The following MED14 variants were observed in gnomAD, a reference collection of about 807,000 sequenced individuals.
MED14 encodes mediator complex subunit 14, also known as mediator of RNA polymerase II transcription subunit 14.
MED14 carries 8 observed loss-of-function variants against 109.0 expected under a neutral mutation model. That is an observed-to-expected ratio of 0.07 (90% confidence interval 0.04 to 0.13). The LOEUF (loss-of-function observed/expected upper bound fraction) is 0.13. MED14 is among the 10% of genes least tolerant of loss of function. The pLI is 1.00. For synonymous variants in MED14, 399 were observed against 408.7 expected (o/e 0.98, Z 0.29); for missense variants, 711 against 1,142.4 (o/e 0.62, Z 5.44).
Position 40,729,316 on chromosome X carries a change from C to G in MED14, c.242+3G>C. On this transcript the variant is annotated splice_donor_region_variant and intron_variant, in intron 2 of 30. Coordinates refer to ENST00000324817, the MANE Select transcript of MED14 (RefSeq NM_004229.4). ...TTTAAGGGTTTTTTTTTTCCATACT[C>G]ACCTTTCCACATCAGATTTCCTTGG... The G allele has an allele frequency of 8.4e-7, 1 of 1,188,660 alleles. No homozygotes were observed. Among genetic ancestry groups the G allele is most frequent in the Non-Finnish European group, 1.1e-6 (1 of 887,896 alleles).
chrX:40,657,681 G>A (rs998118068), intron 28 of MED14, among the ~76,000 whole-genome samples: 6 of 112,034 alleles, frequency 5.4e-5, no homozygotes, highest in Admixed American at 9.4e-5. Context: ...AGAAACTAAG[G>A]GAAATCCCCC....
Position 40,692,190 on chromosome X carries a change from C to A in MED14, c.1973G>T (p.Arg658Leu). ...CTGTTCCAAAAAACTTACCTCCAAC[C>A]GAAGTCCTACAAATGGCATATTTGT... is the stretch of plus-strand genomic sequence containing the variant. ...CDTNMPFVGL[R>L]LELSNLEIPH... The change falls in exon 15 of 31, where the codon CGG (arginine) becomes CTG (leucine). Residue 658 changes from arginine (R) to leucine (L), a missense_variant. Physicochemically the swap from Arg to Leu is moderately radical, Grantham distance 102. Coordinates refer to ENST00000324817, the MANE Select transcript of MED14 (RefSeq NM_004229.4). The A allele has an allele frequency of 8.3e-7, 1 of 1,207,874 alleles. No individual in the cohort carries two copies. Among genetic ancestry groups the A allele is most frequent in the Non-Finnish European group, 1.1e-6 (1 of 894,116 alleles).
intron 24 of MED14, 127 bp downstream of exon 24, chrX:40,666,593 G>T: frequency 1.4e-6 from 1 of 709,252 alleles, no homozygotes; most frequent in Non-Finnish European, 2.1e-6. Flanking sequence ...TTTTCTTTTT[G>T]CTTGAGCAAT....
At chrX:40,735,151 G>A (rs780636652) in intron 1 of MED14, 47 bp downstream of exon 1, 4 of 963,431 alleles carry the variant, frequency 4.2e-6, no homozygotes, top group Non-Finnish European at 5.5e-6. Flanking sequence ...CAGCCGGTTG[G>A]GCGGGAAGGG....
chrX:40,653,166 G>A (rs1928934440), intron 30 of MED14, among the ~76,000 whole-genome samples: 1 of 111,706 alleles, frequency 9.0e-6, no homozygotes, highest in African/African-American at 3.3e-5. Context: ...ATAAGATAAT[G>A]ACAGCCATCT....
At chrX:40,665,760 G>A (rs959722816) in intron 24 of MED14, among the ~76,000 whole-genome samples, 1 of 111,871 alleles carries the variant, frequency 8.9e-6, no homozygotes, top group Admixed American at 9.5e-5. Flanking sequence ...TATATGTTTC[G>A]AAAGCTTTAG....
chrX:40,713,184 T>C (rs954600919), intron 5 of MED14, 142 bp from the exon 6 acceptor site: 41 of 551,485 alleles, frequency 7.4e-5, no homozygotes, highest in Non-Finnish European at 9.7e-5. Context: ...AACAATTCAA[T>C]GGTTCCTGAA....
At chrX:40,722,151 G>A (rs1165432263) in intron 3 of MED14, among the ~76,000 whole-genome samples, 1 of 112,340 alleles carries the variant, frequency 8.9e-6, no homozygotes, top group African/African-American at 3.2e-5. Flanking sequence ...ACAGAGATAT[G>A]TGACCTTTCA....
At chrX:40,689,089 G>A (rs1216873357) in intron 15 of MED14, among the ~76,000 whole-genome samples, 1 of 112,471 alleles carries the variant, frequency 8.9e-6, no homozygotes, top group Non-Finnish European at 1.9e-5. Context: ...GATAAATGCA[G>A]AGATAGTGCC....
intron 21 of MED14, among the ~76,000 whole-genome samples, chrX:40,676,020 C>T (rs1929897159): frequency 8.9e-6 from 1 of 112,389 alleles, no homozygotes; most frequent in Admixed American, 9.4e-5. Context: ...GTGGGCTGAG[C>T]ATGGTGGCTC....
Position 40,650,704 on chromosome X carries a change from G to C in MED14, c.*1102C>G. 1 of 753,983 alleles carries C rather than the reference G, an allele frequency of 1.3e-6. No homozygotes were observed. Among genetic ancestry groups the C allele is most frequent in the Non-Finnish European group, 1.6e-6 (1 of 639,202 alleles). 62.1% of individuals were successfully genotyped at this position (753,983 alleles called of 1,213,427 possible). A position where few individuals can be genotyped will look rare whatever the true frequency, so the allele number is the denominator to read the frequency against. The stretch of plus-strand genomic sequence containing the variant: ...GGATTCGGGATTCTTCACAATGAGG[G>C]GAATGGACCAGGTTTCTTCCAAGCA... On this transcript the variant is annotated 3_prime_UTR_variant, in exon 31 of 31. Transcript: ENST00000324817.
At position 40,703,448 on chromosome X, in the gene MED14, T is replaced by C. The variant is rs1201288319; in HGVS notation, c.1407A>G (p.Gly469=). Reference sequence around the variant, plus strand: ...TTATATCATTTAGTAACTTACCAAGTCCATAAAGCATCAATTGAAACATTC... The same window carrying C: ...TTATATCATTTAGTAACTTACCAAGCCCATAAAGCATCAATTGAAACATTC... ...HSGMFQLMLY[G]LDQATLDDME... The change falls in exon 11 of 31, where the codon GGA becomes GGG. Residue 469 remains glycine, a synonymous_variant. Coordinates refer to ENST00000324817, the MANE Select transcript of MED14 (RefSeq NM_004229.4). The C allele has an allele frequency of 8.4e-7, 1 of 1,193,233 alleles. No individual in the cohort carries two copies. Among genetic ancestry groups the C allele is most frequent in the African/African-American group, 1.7e-5 (1 of 57,306 alleles).
At position 40,735,186 on chromosome X, in the gene MED14, C is replaced by A; in HGVS notation, c.215+12G>T. 9.5e-7 allele frequency: 1 copy of A among 1,056,520 alleles called. No homozygotes were observed. The highest frequency in any genetic ancestry group is 1.2e-6 in the Non-Finnish European group (1 of 815,261). 87.1% of individuals were successfully genotyped at this position (1,056,520 alleles called of 1,213,427 possible). A position where few individuals can be genotyped will look rare whatever the true frequency, so the allele number is the denominator to read the frequency against. ...GGGGCTGGGGAACAGGCAGGGGTTT[C>A]GGGGCACTTACAGGTCCGTCAACAC... On this transcript the variant is annotated intron_variant, in intron 1 of 30. Coordinates refer to ENST00000324817, the MANE Select transcript of MED14 (RefSeq NM_004229.4).
At chrX:40,699,238 C>T (rs1261675361) in intron 12 of MED14, among the ~76,000 whole-genome samples, 1 of 111,984 alleles carries the variant, frequency 8.9e-6, no homozygotes, top group Non-Finnish European at 1.9e-5. Flanking sequence ...TCATAGTTTT[C>T]TGAGGTTGGG....
At position 40,735,230 on chromosome X, in the gene MED14, C is replaced by T; in HGVS notation, c.183G>A (p.Arg61=). Residue 61 remains arginine, a synonymous_variant, in exon 1 of 31, where the codon CGG becomes CGA. Coordinates refer to ENST00000324817, the MANE Select transcript of MED14 (RefSeq NM_004229.4). The part of the protein sequence containing the change: ...LSTLIEFLLH[R]AYSELMVLTD... ...TCAACACCATAAGCTCCGAGTAGGC[C>T]CGGTGCAGCAGAAATTCAATGAGGG... is the stretch of plus-strand genomic sequence containing the variant. 1 of 1,147,393 alleles carries T rather than the reference C, an allele frequency of 8.7e-7. No individual in the cohort carries two copies. The highest frequency in any genetic ancestry group is 1.2e-6 in the Non-Finnish European group (1 of 863,161). The allele number at this position is 1,147,393 out of a possible 1,213,427, so 94.6% of individuals were successfully genotyped here. A position where few individuals can be genotyped will look rare whatever the true frequency, so the allele number is the denominator to read the frequency against.
intron 16 of MED14, among the ~76,000 whole-genome samples, 200 bp downstream of exon 16, chrX:40,688,254 A>G (rs189980062): frequency 5.3e-4 from 59 of 111,819 alleles, no homozygotes; most frequent in African/African-American, 1.9e-3. Flanking sequence ...ACAAACAACA[A>G]AAAAAACAAA....
At chrX:40,729,185 T>C (rs912705792) in intron 2 of MED14, 134 bp downstream of exon 2, 4 of 538,390 alleles carry the variant, frequency 7.4e-6, no homozygotes, top group Non-Finnish European at 6.0e-6. Context: ...CCTAAATACA[T>C]GGTGTGAAAA....
chrX:40,697,446 T>G (rs1350511302), intron 12 of MED14, among the ~76,000 whole-genome samples: 1 of 112,007 alleles, frequency 8.9e-6, no homozygotes, highest in Non-Finnish European at 1.9e-5. Flanking sequence ...GATGAGATAC[T>G]ATGTTAGTTT....
At chrX:40,716,934 C>T (rs73471384) in intron 3 of MED14, among the ~76,000 whole-genome samples, 102 of 111,885 alleles carry the variant, frequency 9.1e-4, no homozygotes, top group African/African-American at 3.1e-3. Flanking sequence ...TGCACATTCT[C>T]TCTCCTATGT....
Sources: allele counts gnomAD v4.1 joint callset (sites outside exome capture counted in the v4.1 genomes callset), GRCh38; gene constraint gnomAD v4.1.1; transcripts MANE v1.5; gene names NCBI Gene and HGNC (gene_info 2026-07-23, HGNC 2026-07-21).